Variants in CGN observed in about 807,000 individuals in gnomAD.
CGN encodes the protein cingulin.
In CGN, 121 loss-of-function variants were observed where a neutral mutation model predicts 157.1. That is an observed-to-expected ratio of 0.77 (90% CI 0.66 to 0.90). The LOEUF is 0.90. CGN is among the 40% of genes least tolerant of loss of function. The pLI, the probability that CGN is intolerant of heterozygous loss-of-function variation, is 0.00. For synonymous variants in CGN, 535 were observed against 607.5 expected (o/e 0.88, Z 1.76); for missense variants, 1,424 against 1,520.9 (o/e 0.94, Z 1.06).
At chr1:151,529,785 T>A in intron 11 of CGN, 124 bp from the exon 12 acceptor site, 1 of 953,318 alleles carries the variant, frequency 1.0e-6, no homozygotes, top group Non-Finnish European at 1.6e-6. Flanking sequence ...CTGCTCTCTT[T>A]AAGCCTCATT....
Position 151,537,452 on chromosome 1 carries a change from T to C in CGN, c.*106T>C. 1.0e-6 allele frequency: 1 copy of C among 1,001,328 alleles called. No homozygotes were observed. Among genetic ancestry groups the C allele is most frequent in the South Asian group, 1.7e-5 (1 of 58,094 alleles). The allele number at this position is 1,001,328 out of a possible 1,614,324, so 62.0% of individuals were successfully genotyped here. On this transcript the variant is annotated 3_prime_UTR_variant, in exon 21 of 21. Coordinates refer to ENST00000271636, the MANE Select transcript of CGN (RefSeq NM_020770.3). ...TGCATTCCTATGGGTGACCCAATTA[T>C]TCAGACCTAAGACAGGGAGGGGTCA...
chr1:151,537,447 A>G lies in CGN; in HGVS notation c.*101A>G. On this transcript the variant is annotated 3_prime_UTR_variant, in exon 21 of 21. Coordinates refer to ENST00000271636, the MANE Select transcript of CGN (RefSeq NM_020770.3). ...GGTTCTGCATTCCTATGGGTGACCC[A>G]ATTATTCAGACCTAAGACAGGGAGG... The G allele has an allele frequency of 9.5e-7, 1 of 1,048,244 alleles. No homozygotes were observed. The highest frequency in any genetic ancestry group is 1.4e-6 in the Non-Finnish European group (1 of 730,844). 64.9% of individuals were successfully genotyped at this position (1,048,244 alleles called of 1,614,324 possible). A position where few individuals can be genotyped will look rare whatever the true frequency, so the allele number is the denominator to read the frequency against.
chr1:151,529,213 G>A, intron 10 of CGN, 137 bp from the exon 11 acceptor site: 1 of 672,770 alleles, frequency 1.5e-6, no homozygotes, highest in South Asian at 2.0e-5. Context: ...AACTTTTTGA[G>A]AAACTGCCAA....
rs527704297 is a variant in CGN at position 151,524,467 on chromosome 1, C to T, written c.1401+109C>T. ...AGTATGAGGAGTGGGTGGCTGATTA[C>T]AGGTACTCAGTGTGCTTTCAGGTAG... On this transcript the variant is annotated intron_variant, in intron 7 of 20. Transcript: ENST00000271636. The surrounding 1 kb of genome is among the most constrained non-coding windows in gnomAD (Gnocchi z 4.4). 6.7e-7 allele frequency: 1 copy of T among 1,489,590 alleles called. No individual in the cohort carries two copies. Among genetic ancestry groups the T allele is most frequent in the South Asian group, 1.2e-5 (1 of 81,518 alleles). The allele number at this position is 1,489,590 out of a possible 1,614,324, so 92.3% of individuals were successfully genotyped here. A position where few individuals can be genotyped will look rare whatever the true frequency, so the allele number is the denominator to read the frequency against.
chr1:151,531,649 A>T (rs545983184), intron 13 of CGN, among the ~76,000 whole-genome samples: 1 of 152,184 alleles, frequency 6.6e-6, no homozygotes, highest in Non-Finnish European at 1.5e-5. Context: ...AAAAAAAAAA[A>T]TCTTCATTGG....
At chr1:151,535,191 C>G (rs1324134865) in intron 16 of CGN, 60 bp downstream of exon 16, 7 of 1,253,206 alleles carry the variant, frequency 5.6e-6, no homozygotes, top group Non-Finnish European at 8.1e-6. Context: ...TTGGTTCTCT[C>G]AAAAACAACT....
intron 9 of CGN, 45 bp from the exon 10 acceptor site, chr1:151,526,930 C>G (rs761940503): frequency 1.9e-5 from 30 of 1,613,470 alleles, no homozygotes; most frequent in Admixed American, 1.5e-4. Context: ...GGCATGTGGC[C>G]TTACTCTGTT....
In CGN at chr1:151,529,104, A is replaced by C. The variant is rs1664766007; in HGVS notation, c.1897-246A>C. Among the ~76,000 whole-genome samples the C allele has an allele frequency of 2.0e-5, 3 of 152,172 alleles. No individual in the cohort carries two copies. The South Asian group carries it at 6.2e-4, about 32-fold the overall frequency. ...GGCTATAATGAATAATGCTACTATG[A>C]ACATTCGCGTATAAGTTTTTTTGTG... On this transcript the variant is annotated intron_variant, in intron 10 of 20. Transcript: ENST00000271636.
intron 9 of CGN, among the ~76,000 whole-genome samples, chr1:151,526,599 G>A (rs984263263): frequency 1.1e-4 from 16 of 151,816 alleles, no homozygotes; most frequent in African/African-American, 3.9e-4. Flanking sequence ...TCAGCCTCCC[G>A]AATAGGTGGG....
chr1:151,537,084 G>T, intron 20 of CGN, 121 bp from the exon 21 acceptor site: 1 of 1,279,106 alleles, frequency 7.8e-7, no homozygotes, highest in South Asian at 1.5e-5. Flanking sequence ...CTGATTAGTT[G>T]GGGATTTTGT....
At chr1:151,536,392 A>G (rs775685257) in intron 19 of CGN, 47 bp downstream of exon 19, 15 of 1,093,440 alleles carry the variant, frequency 1.4e-5, no homozygotes, top group African/African-American at 7.7e-5. Flanking sequence ...GCAGGTATAT[A>G]TTATATGTTT....
chr1:151,532,111 T>C (rs1244811824), intron 13 of CGN, among the ~76,000 whole-genome samples: 1 of 152,234 alleles, frequency 6.6e-6, no homozygotes, highest in Non-Finnish European at 1.5e-5. Context: ...CTAATGTAAT[T>C]CTCACAACAC....
chr1:151,535,167 G>T, intron 16 of CGN, 36 bp downstream of exon 16: 1 of 1,480,618 alleles, frequency 6.8e-7, no homozygotes, highest in South Asian at 1.1e-5. Flanking sequence ...GTTTACCCCT[G>T]ACTGCATCAC....
At chr1:151,535,480 TG>T (rs1476036756) in intron 16 of CGN, 119 bp from the exon 17 acceptor site, 1 of 802,070 alleles carries the variant, frequency 1.2e-6, no homozygotes, top group Admixed American at 2.1e-5. Context: ...TTTAGTTGCC[TG>T]GGAATTTTTG....
At chr1:151,525,025 T>C in intron 8 of CGN, 139 bp downstream of exon 8, 5 of 725,730 alleles carry the variant, frequency 6.9e-6, no homozygotes, top group South Asian at 6.5e-5. Flanking sequence ...TGAGATCTGC[T>C]GAAAACCTTG....
rs571105135 is a variant in CGN, at chr1:151,535,117, C to T, written c.2980C>T (p.Arg994Cys). 24 of 1,613,732 alleles carry T rather than the reference C, an allele frequency of 1.5e-5. No individual in the cohort carries two copies. The highest frequency in any genetic ancestry group is 6.7e-5 in the Admixed American group (4 of 60,012). ...GGAGCTGCTAACAGATCGGGTGAATCGTGGCCGGGACCAGGTAACCGCCCC... is the reference window on the plus strand; with the variant it reads ...GGAGCTGCTAACAGATCGGGTGAATTGTGGCCGGGACCAGGTAACCGCCCC... ...TVELLTDRVN[R>C]GRDQVDQLRT... The change falls in exon 16 of 21, where the codon CGT becomes TGT. Residue 994 changes from arginine (R) to cysteine (C), a missense_variant. Arg to Cys is a radical substitution (Grantham distance 180, BLOSUM62 -3). Coordinates refer to ENST00000271636, the MANE Select transcript of CGN (RefSeq NM_020770.3).
intron 1 of CGN, among the ~76,000 whole-genome samples, chr1:151,516,838 G>A (rs921585124): frequency 6.6e-6 from 1 of 150,676 alleles, no homozygotes; most frequent in African/African-American, 2.4e-5. Context: ...CACCATGCCC[G>A]GCCGAGTGGC....
intron 12 of CGN, 149 bp downstream of exon 12, chr1:151,530,264 G>A (rs766009127): frequency 4.4e-5 from 45 of 1,015,832 alleles, no homozygotes; most frequent in Non-Finnish European, 5.9e-5. Context: ...TTTATTTCCT[G>A]GTGTATACTT....
chr1:151,531,001 C>G lies in CGN; in HGVS notation c.2571+255C>G, dbSNP rs371078127. Reference sequence around the variant, plus strand: ...CTAAAAATACAAAAAATTAGCCGGGCTTGGTGGCTCATGCCTGTAGTCCCA... The same window carrying G: ...CTAAAAATACAAAAAATTAGCCGGGGTTGGTGGCTCATGCCTGTAGTCCCA... On this transcript the variant is annotated intron_variant, in intron 13 of 20. Coordinates refer to ENST00000271636, the MANE Select transcript of CGN (RefSeq NM_020770.3). Among the ~76,000 whole-genome samples the G allele has an allele frequency of 4.3e-4, 66 of 152,154 alleles. No homozygotes were observed. The South Asian group carries it at 0.012, about 27-fold the overall frequency.
Sources: gnomAD v4.1 joint callset for allele counts (sites outside exome capture counted in the v4.1 genomes callset) on GRCh38, gnomAD v4.1.1 for gene constraint, Gnocchi (gnomAD v3.1) non-coding constraint, MANE v1.5 for transcripts, NCBI Gene and HGNC (gene_info 2026-07-23, HGNC 2026-07-21) for gene names.